LRP1B: variants seen among roughly 807,000 people sequenced by gnomAD.
The protein encoded by LRP1B is LDL receptor related protein 1B, also known as low-density lipoprotein receptor-related protein 1B.
Under a neutral mutation model 556.6 loss-of-function variants are expected in LRP1B, and 217 were observed. The observed-to-expected ratio is 0.39, with a 90% CI of 0.35 to 0.44. The LOEUF is 0.44. Among genes scored for constraint, LRP1B ranks in the 20% least tolerant of loss-of-function variants. The pLI is 1.00. For missense variants in LRP1B, 5,053 were observed against 5,620.8 expected, an observed-to-expected ratio of 0.90 and a Z score of 3.23; for synonymous variants, 2,047 against 1,865.8, an observed-to-expected ratio of 1.10 and a Z score of -2.50.
At chr2:141,859,127 A>G (rs1386129890) in intron 1 of LRP1B, among the ~76,000 whole-genome samples, 1 of 152,204 alleles carries the variant, frequency 6.6e-6, no homozygotes, top group Middle Eastern at 3.2e-3. Context: ...AAAACAAAAC[A>G]AAATAAAATC....
intron 84 of LRP1B, among the ~76,000 whole-genome samples, chr2:140,289,191 CT>C (rs1683276727): frequency 1.3e-5 from 2 of 151,908 alleles, no homozygotes; most frequent in African/African-American, 2.4e-5. Context: ...TATAAACATG[CT>C]GCTGAAATTT....
chr2:141,277,413 T>C (rs1685344212), intron 3 of LRP1B, among the ~76,000 whole-genome samples: 1 of 152,228 alleles, frequency 6.6e-6, no homozygotes. Context: ...TTTTTTCATA[T>C]GTTTGTTGGC....
chr2:141,918,219 T>C (rs1700089181), intron 1 of LRP1B, among the ~76,000 whole-genome samples: 1 of 151,852 alleles, frequency 6.6e-6, no homozygotes, highest in Admixed American at 6.6e-5. Context: ...GGAGGGAGGA[T>C]AAATTATAAT....
chr2:141,045,505 C>T (rs1214829235), intron 11 of LRP1B, among the ~76,000 whole-genome samples: 1 of 151,876 alleles, frequency 6.6e-6, no homozygotes, highest in Non-Finnish European at 1.5e-5. Context: ...AACAATTACA[C>T]CTGGCAAGAA....
In LRP1B at chr2:140,525,880, C is replaced by T. The variant is rs2104967244; in HGVS notation, c.7990G>A (p.Asp2664Asn). The change falls in exon 49 of 91, where the codon GAC becomes AAC. Residue 2664 changes from aspartate to asparagine, a missense_variant. This residue lies in a region of LRP1B where 3,619 missense variants were observed against 3,931.9 expected (regional missense o/e 0.92). Coordinates refer to ENST00000389484, the MANE Select transcript of LRP1B (RefSeq NM_018557.3). ...LPTWICDGSN[D>N]CGDYSDELKC... Reference sequence around the variant, plus strand: ...AATTCATCTGAATAGTCTCCACAGTCATTAGACCCGTCGCATATCCAGGTT... The same window carrying T: ...AATTCATCTGAATAGTCTCCACAGTTATTAGACCCGTCGCATATCCAGGTT... The T allele has an allele frequency of 6.2e-7, 1 of 1,612,306 alleles. No individual in the cohort carries two copies. Among genetic ancestry groups the T allele is most frequent in the Non-Finnish European group, 8.5e-7 (1 of 1,178,842 alleles).
At chr2:141,968,929 A>G (rs1701641598) in intron 1 of LRP1B, among the ~76,000 whole-genome samples, 1 of 151,640 alleles carries the variant, frequency 6.6e-6, no homozygotes, top group Non-Finnish European at 1.5e-5. Context: ...CCACTCTTAC[A>G]GAACTGTCAT....
chr2:140,369,798 T>A (rs1458023226), intron 71 of LRP1B, among the ~76,000 whole-genome samples: 3 of 152,034 alleles, frequency 2.0e-5, no homozygotes. Flanking sequence ...ACTACATATT[T>A]ACAAAAGTAA....
At chr2:140,760,398 T>C (rs1471045359) in intron 35 of LRP1B, among the ~76,000 whole-genome samples, 2 of 152,156 alleles carry the variant, frequency 1.3e-5, no homozygotes, top group Non-Finnish European at 2.9e-5. Flanking sequence ...TGTTTCCAGA[T>C]ATTGCAAAGT....
chr2:140,450,778 T>G, intron 62 of LRP1B, 117 bp from the exon 63 acceptor site: 1 of 647,868 alleles, frequency 1.5e-6, no homozygotes, highest in Non-Finnish European at 2.6e-6. Flanking sequence ...TGAACAATGG[T>G]GATTTTGGAA....
intron 2 of LRP1B, among the ~76,000 whole-genome samples, chr2:141,760,807 CAT>C (rs1694516678): frequency 6.6e-6 from 1 of 152,174 alleles, no homozygotes. Flanking sequence ...CGATGGCTAA[CAT>C]ATTAGAGTCA....
chr2:142,129,584 T>TC (rs1707775509), intron 1 of LRP1B, among the ~76,000 whole-genome samples: 31 of 134,834 alleles, frequency 2.3e-4, no homozygotes, highest in African/African-American at 7.2e-4. Context: ...CTTTCTCTCT[T>TC]TCTCTCTCTC....
intron 3 of LRP1B, among the ~76,000 whole-genome samples, chr2:141,472,355 G>A (rs1573985779): frequency 6.6e-6 from 1 of 152,120 alleles, no homozygotes; most frequent in East Asian, 1.9e-4. Flanking sequence ...AGACCAGCCT[G>A]ACAGTGAAAT....
At chr2:140,583,339 T>A (rs1018201492) in intron 43 of LRP1B, among the ~76,000 whole-genome samples, 1 of 151,802 alleles carries the variant, frequency 6.6e-6, no homozygotes, top group Admixed American at 6.6e-5. Context: ...CACATCCAGC[T>A]AACTTTTTAT....
intron 1 of LRP1B, among the ~76,000 whole-genome samples, chr2:141,864,634 C>A (rs1356506299): frequency 6.6e-6 from 1 of 151,680 alleles, no homozygotes; most frequent in African/African-American, 2.4e-5. Flanking sequence ...GTAATCCCAG[C>A]ACTTTGGGAG....
intron 2 of LRP1B, among the ~76,000 whole-genome samples, chr2:141,704,942 C>G (rs1692082921): frequency 6.6e-6 from 1 of 151,964 alleles, no homozygotes; most frequent in South Asian, 2.1e-4. Context: ...ATCCTCTTTT[C>G]TCAAAGCTGT....
At chr2:141,591,741 T>G (rs1687349350) in intron 2 of LRP1B, among the ~76,000 whole-genome samples, 1 of 152,018 alleles carries the variant, frequency 6.6e-6, no homozygotes. Context: ...TGGACCATGG[T>G]TTTATGTGTA....
chr2:140,558,916 A>T (rs1031969013), intron 43 of LRP1B, among the ~76,000 whole-genome samples: 5 of 151,740 alleles, frequency 3.3e-5, no homozygotes, highest in African/African-American at 1.2e-4. Flanking sequence ...AGCCTGGGCA[A>T]CAGAGCCAGA....
At chr2:140,716,414 T>G (rs1007317761) in intron 36 of LRP1B, among the ~76,000 whole-genome samples, 1 of 152,060 alleles carries the variant, frequency 6.6e-6, no homozygotes. Flanking sequence ...AAAAGAGAAC[T>G]TCTAACACTT....
At chr2:141,440,809 G>C (rs1412646465) in intron 3 of LRP1B, among the ~76,000 whole-genome samples, 1 of 152,152 alleles carries the variant, frequency 6.6e-6, no homozygotes, top group African/African-American at 2.4e-5. Flanking sequence ...AGTTATGTTT[G>C]ATTTTAACAA....
Sources: allele counts gnomAD v4.1 joint callset (sites outside exome capture counted in the v4.1 genomes callset), GRCh38; gene constraint gnomAD v4.1.1; regional missense constraint gnomAD v4.1.1; transcripts MANE v1.5; gene names NCBI Gene and HGNC (gene_info 2026-07-23, HGNC 2026-07-21).